The following OR3A3 variants were observed in gnomAD, a reference collection of about 807,000 sequenced individuals.
OR3A3 encodes the protein olfactory receptor family 3 subfamily A member 3, also known as olfactory receptor 3A3.
For synonymous variants in OR3A3, 103 were observed against 163.9 expected (o/e 0.63, Z 2.84); for missense variants, 275 against 391.4 (o/e 0.70, Z 2.51).
At chr17:3,421,159 T>C in exon 3 of OR3A3, 1 of 1,614,206 alleles carries the variant, frequency 6.2e-7, no homozygotes, top group Non-Finnish European at 8.5e-7. Context: ...CCAGCTCTCC[T>C]GCTCCAGCAC....
exon 1 of OR3A3, chr17:3,411,387 A>G (rs1226567461): frequency 6.6e-6 from 1 of 152,588 alleles, no homozygotes; most frequent in Non-Finnish European, 1.5e-5. Flanking sequence ...AAGTTCAGGA[A>G]TTTGCTTGTC....
At chr17:3,414,313 C>T (rs1389964148) in intron 2 of OR3A3, among the ~76,000 whole-genome samples, 9 of 152,104 alleles carry the variant, frequency 5.9e-5, no homozygotes, top group Admixed American at 2.6e-4. Context: ...CCTCATGATC[C>T]GCCCACCTCG....
Position 3,420,561 on chromosome 17 carries a change from C to A in OR3A3, c.-6-19C>A. The A allele has an allele frequency of 1.9e-6, 3 of 1,555,888 alleles. No homozygotes were observed. The highest frequency in any genetic ancestry group is 2.6e-6 in the Non-Finnish European group (3 of 1,154,148). ...ACTGAGTGAACTGATACCTCCCCTGCTGGGACATGTCCTTACAGAAACTCA... is the reference window on the plus strand; with the variant it reads ...ACTGAGTGAACTGATACCTCCCCTGATGGGACATGTCCTTACAGAAACTCA... On this transcript the variant is annotated intron_variant, in intron 2 of 2. Coordinates refer to ENST00000641141, the Ensembl canonical transcript of OR3A3.
chr17:3,417,434 A>G (rs1162813789), intron 2 of OR3A3, among the ~76,000 whole-genome samples: 2 of 152,132 alleles, frequency 1.3e-5, no homozygotes, highest in African/African-American at 4.8e-5. Flanking sequence ...GTCATTGTTC[A>G]AACATTTATA....
At chr17:3,411,762 A>C (rs2072363506) in intron 1 of OR3A3, among the ~76,000 whole-genome samples, 1 of 152,230 alleles carries the variant, frequency 6.6e-6, no homozygotes, top group African/African-American at 2.4e-5. Context: ...GGGGACTTTG[A>C]GGACATAGGC....
exon 3 of OR3A3, chr17:3,422,181 C>T (rs1403408412): frequency 6.6e-6 from 1 of 152,182 alleles, no homozygotes; most frequent in Non-Finnish European, 1.5e-5. Flanking sequence ...TTTCACCTCC[C>T]ATAAAATCAG....
exon 3 of OR3A3, chr17:3,420,936 G>A: frequency 6.2e-7 from 1 of 1,610,436 alleles, no homozygotes; most frequent in South Asian, 1.1e-5. Flanking sequence ...ACTGCTTCCT[G>A]CTGACCGCCA....
exon 3 of OR3A3, chr17:3,421,262 C>G: frequency 6.2e-7 from 1 of 1,614,222 alleles, no homozygotes; most frequent in Non-Finnish European, 8.5e-7. Flanking sequence ...CATGTGGTAG[C>G]TGCTGTGCTG....
At chr17:3,419,979 G>C (rs564073030) in intron 2 of OR3A3, among the ~76,000 whole-genome samples, 1 of 152,190 alleles carries the variant, frequency 6.6e-6, no homozygotes, top group South Asian at 2.1e-4. Context: ...GTGTTAGCCA[G>C]GATGGTCTCA....
Position 3,412,986 on chromosome 17 carries a change from T to A in OR3A3, c.-7+815T>A, listed in dbSNP as rs547116166. Among the ~76,000 whole-genome samples, 8 of 152,376 alleles carry A rather than the reference T, an allele frequency of 5.3e-5. No individual in the cohort carries two copies. The East Asian group carries it at 1.5e-3, about 29-fold the overall frequency. On this transcript the variant is annotated intron_variant, in intron 2 of 2. Transcript: ENST00000641141. ...TACTGATGCTCTCTTTCTCTGAAAT[T>A]GTACGAACGTTAGAACAATTGATAA...
intron 2 of OR3A3, among the ~76,000 whole-genome samples, chr17:3,412,645 C>A (rs1411743263): frequency 6.7e-6 from 1 of 149,986 alleles, no homozygotes; most frequent in Non-Finnish European, 1.5e-5. Context: ...CCCAGAATCC[C>A]CCTGGTTTTA....
intron 2 of OR3A3, among the ~76,000 whole-genome samples, chr17:3,418,067 G>C (rs1057169919): frequency 6.6e-6 from 1 of 152,116 alleles, no homozygotes; most frequent in African/African-American, 2.4e-5. Context: ...TCTCTGTCTT[G>C]TGTTCTTGTC....
exon 3 of OR3A3, chr17:3,421,336 G>A (rs2072433388): frequency 1.9e-6 from 3 of 1,614,232 alleles, no homozygotes; most frequent in Non-Finnish European, 2.5e-6. Context: ...CCTCACTGTG[G>A]TGGGCATCTT....
At chr17:3,423,146 G>A (rs2072447377) in exon 3 of OR3A3, 1 of 152,162 alleles carries the variant, frequency 6.6e-6, no homozygotes, top group Non-Finnish European at 1.5e-5. Context: ...CCTTACCATG[G>A]TTGGGCTTGT....
chr17:3,416,151 T>A (rs1041522757), intron 2 of OR3A3, among the ~76,000 whole-genome samples: 6 of 152,132 alleles, frequency 3.9e-5, no homozygotes, highest in Non-Finnish European at 5.9e-5. Flanking sequence ...AGTACCTAAC[T>A]ATTCCTATTT....
intron 2 of OR3A3, among the ~76,000 whole-genome samples, chr17:3,415,615 T>A (rs1351585628): frequency 1.3e-5 from 2 of 150,014 alleles, no homozygotes; most frequent in East Asian, 3.9e-4. Flanking sequence ...CTTTCTAATA[T>A]ATGGTCTTTT....
exon 3 of OR3A3, chr17:3,420,618 T>C: frequency 8.6e-6 from 13 of 1,518,996 alleles, no homozygotes; most frequent in East Asian, 2.3e-5. Context: ...ATAGGACCGC[T>C]GTTGCTGAGT....
At chr17:3,412,733 G>C (rs868462678) in intron 2 of OR3A3, among the ~76,000 whole-genome samples, 1 of 151,938 alleles carries the variant, frequency 6.6e-6, no homozygotes, top group South Asian at 2.1e-4. Context: ...TGACTTACTT[G>C]TCTGTAAGGT....
exon 3 of OR3A3, chr17:3,421,222 C>A (rs749533517): frequency 1.2e-6 from 2 of 1,614,200 alleles, no homozygotes; most frequent in Non-Finnish European, 1.7e-6. Context: ...GGCTGTGGCA[C>A]CCTTGGTCTT....
Sources: allele counts gnomAD v4.1 joint callset (sites outside exome capture counted in the v4.1 genomes callset), GRCh38; gene constraint gnomAD v4.1.1; transcripts MANE v1.5; gene names NCBI Gene and HGNC (gene_info 2026-07-23, HGNC 2026-07-21).